Variants in TPT1 observed in about 807,000 individuals in gnomAD.
The protein encoded by TPT1 is translationally-controlled tumor protein.
Under a neutral mutation model 22.8 loss-of-function variants are expected in TPT1, and 5 were observed. The ratio of observed to expected loss-of-function variants is 0.22; its 90% CI spans 0.11 to 0.46. The LOEUF is 0.46. Ranked by LOEUF, TPT1 falls within the 20% of genes least tolerant of loss-of-function variation. The pLI, the probability that TPT1 is intolerant of heterozygous loss-of-function variation, is 0.99. For missense variants in TPT1, 130 were observed against 218.7 expected (o/e 0.59, Z 2.56); for synonymous variants, 89 against 73.6 (o/e 1.21, Z -1.07).
At chr13:45,338,308 T>G (rs1031792581) in intron 5 of TPT1, 9 of 272,678 alleles carry the variant, frequency 3.3e-5, no homozygotes, top group Non-Finnish European at 4.8e-5. Context: ...TTAGCAGAGA[T>G]AGGGTTTCGC....
Position 45,333,792 on chromosome 13 carries a change from T to C in TPT1, c.*3594A>G, listed in dbSNP as rs182056185. The C allele has an allele frequency of 6.6e-6, 1 of 152,300 alleles. No individual in the cohort carries two copies. The highest frequency in any genetic ancestry group is 2.4e-5 in the African/African-American group (1 of 41,568). The allele number at this position is 152,300 out of a possible 1,614,324, so 9.4% of individuals were successfully genotyped here. On this transcript the variant is annotated 3_prime_UTR_variant, in exon 6 of 6. Coordinates refer to ENST00000530705, the MANE Select transcript of TPT1 (RefSeq NM_003295.4). ...TCCCACTAGTGAAATCCAACGGTAG[T>C]CAAGTTTACCACTATCAGGCCTCAT...
In TPT1 at chr13:45,341,126, G is replaced by A. The variant is rs1487952949; in HGVS notation, c.-57C>T. On this transcript the variant is annotated 5_prime_UTR_variant, in exon 1 of 6. Transcript: ENST00000530705. ...TAGCTTAGCACGAGCCTGAAACTCG[G>A]AGCGAGCGCGGTGCAGCCGGAGCGG... The A allele has an allele frequency of 6.2e-7, 1 of 1,603,170 alleles. No individual in the cohort carries two copies.
chr13:45,337,570 GAAC>G (rs756324114), intron 5 of TPT1, 182 bp from the exon 6 acceptor site: 231 of 1,608,508 alleles, frequency 1.4e-4, no homozygotes, highest in Middle Eastern at 3.3e-4. Flanking sequence ...CAAACCAAAA[GAAC>G]AACAGTAAAT....
At chr13:45,337,702 T>C in intron 5 of TPT1, 1 of 758,240 alleles carries the variant, frequency 1.3e-6, no homozygotes, top group Non-Finnish European at 2.3e-6. Flanking sequence ...CCTCAGATAC[T>C]GTCTGAATAA....
At chr13:45,339,742 G>C (rs897533821) in intron 3 of TPT1, 140 bp from the exon 4 acceptor site, 1 of 789,412 alleles carries the variant, frequency 1.3e-6, no homozygotes, top group Non-Finnish European at 2.0e-6. Context: ...TTCACAGAAG[G>C]TATCTTTCAA....
At chr13:45,337,433 G>A (rs1878773917) in intron 5 of TPT1, 45 bp from the exon 6 acceptor site, 3 of 1,614,062 alleles carry the variant, frequency 1.9e-6, no homozygotes, top group East Asian at 2.2e-5. Flanking sequence ...ACATTACACT[G>A]CAAAAGTTAC....
At chr13:45,340,654 G>C (rs564057344) in intron 2 of TPT1, 58 bp downstream of exon 2, 137 of 1,534,620 alleles carry the variant, frequency 8.9e-5, no homozygotes, top group Non-Finnish European at 1.2e-4. Flanking sequence ...CGGGGGAGCG[G>C]AGGAAACCCG....
At position 45,340,646 on chromosome 13, in the gene TPT1, G is replaced by T. The variant is rs530427916; in HGVS notation, c.102+66C>A. 2.0e-6 allele frequency: 3 copies of T among 1,517,360 alleles called. No homozygotes were observed. The South Asian group carries it at 3.6e-5, about 18-fold the overall frequency. 94.0% of individuals were successfully genotyped at this position (1,517,360 alleles called of 1,614,324 possible). On this transcript the variant is annotated intron_variant, in intron 2 of 5. Coordinates refer to ENST00000530705, the MANE Select transcript of TPT1 (RefSeq NM_003295.4). ...GGGGAGGATTGCACAACCTCAGGCGGGGGAGCGGAGGAAACCCGAGCCCGC... is the reference window on the plus strand; with the variant it reads ...GGGGAGGATTGCACAACCTCAGGCGTGGGAGCGGAGGAAACCCGAGCCCGC...
Position 45,339,838 on chromosome 13 carries a change from T to C in TPT1, c.293+156A>G, listed in dbSNP as rs766785362. ...GACTGCAGGCTTCAGTATGCTCATATTATAGAAAAGCAACCACTCTTTTCC... is the reference window on the plus strand; with the variant it reads ...GACTGCAGGCTTCAGTATGCTCATACTATAGAAAAGCAACCACTCTTTTCC... On this transcript the variant is annotated intron_variant, in intron 3 of 5. Transcript: ENST00000530705. The C allele has an allele frequency of 1.8e-5, 16 of 866,196 alleles. No individual in the cohort carries two copies. In the East Asian group the frequency reaches 3.2e-4, roughly 17 times the overall value. The allele number at this position is 866,196 out of a possible 1,614,324, so 53.7% of individuals were successfully genotyped here. A position where few individuals can be genotyped will look rare whatever the true frequency, so the allele number is the denominator to read the frequency against.
At chr13:45,339,970 C>T (rs1878972053) in intron 3 of TPT1, 24 bp downstream of exon 3, 1 of 1,611,976 alleles carries the variant, frequency 6.2e-7, no homozygotes, top group Admixed American at 1.7e-5. Flanking sequence ...TAGACATCAG[C>T]TAGGTACTGC....
chr13:45,340,152 G>T lies in TPT1; in HGVS notation c.135C>A (p.Asp45Glu). 6.2e-7 allele frequency: 1 copy of T among 1,613,972 alleles called. No individual in the cohort carries two copies. The highest frequency in any genetic ancestry group is 8.5e-7 in the Non-Finnish European group (1 of 1,179,922). Residue 45 changes from aspartate (D) to glutamate (E), a missense_variant, in exon 3 of 6, where the codon GAC becomes GAA. Asp to Glu is a conservative substitution (Grantham distance 45, BLOSUM62 2). Transcript: ENST00000530705. Reference protein sequence around the residue: ...MVSRTEGNIDDSLIGGNASAE... With the variant: ...MVSRTEGNIDESLIGGNASAE... ...CGGAGGCATTTCCACCAATGAGCGA[G>T]TCATCAATGTTACCTTCTGTCCTAC...
At chr13:45,337,926 G>T (rs1366620619) in intron 5 of TPT1, among the ~76,000 whole-genome samples, 3 of 152,174 alleles carry the variant, frequency 2.0e-5, no homozygotes, top group Non-Finnish European at 2.9e-5. Flanking sequence ...TTGCATACCA[G>T]TTCAGCAGTC....
chr13:45,339,479 G>A lies in TPT1; in HGVS notation c.399+18C>T, dbSNP rs1310640615. On this transcript the variant is annotated intron_variant, in intron 4 of 5. Coordinates refer to ENST00000530705, the MANE Select transcript of TPT1 (RefSeq NM_003295.4). ...TAAAATTGTACAATCCTTTGATCCA[G>A]ATACTTAAGGTATTTACCTGGTAGT... The A allele has an allele frequency of 6.3e-7, 1 of 1,598,166 alleles. No individual in the cohort carries two copies. Among genetic ancestry groups the A allele is most frequent in the Non-Finnish European group, 8.5e-7 (1 of 1,169,722 alleles).
chr13:45,339,415 G>A (rs1018519445), intron 4 of TPT1, 82 bp downstream of exon 4: 1 of 1,262,452 alleles, frequency 7.9e-7, no homozygotes, highest in Non-Finnish European at 1.1e-6. Context: ...TACTAGTATA[G>A]AATTGAAGAT....
intron 3 of TPT1, 77 bp from the exon 4 acceptor site, chr13:45,339,679 G>C (rs1348054670): frequency 1.5e-6 from 2 of 1,377,350 alleles, no homozygotes; most frequent in Non-Finnish European, 2.0e-6. Flanking sequence ...AAATATCCAA[G>C]CTTAAAAAAA....
At chr13:45,339,940 CTT>C (rs1395853209) in intron 3 of TPT1, 52 bp downstream of exon 3, 1 of 1,585,950 alleles carries the variant, frequency 6.3e-7, no homozygotes, top group Non-Finnish European at 8.6e-7. Flanking sequence ...GTTAGCCAAT[CTT>C]TAAATCCTGT....
Position 45,341,096 on chromosome 13 carries a change from G to T in TPT1, c.-27C>A. On this transcript the variant is annotated 5_prime_UTR_variant, in exon 1 of 6. Transcript: ENST00000530705. ...ATGGCGACTGAAGGGAGACGACGAC[G>T]GCGCTAGCTTAGCACGAGCCTGAAA... is the stretch of plus-strand genomic sequence containing the variant. The T allele has an allele frequency of 6.2e-7, 1 of 1,612,250 alleles. No individual in the cohort carries two copies. The highest frequency in any genetic ancestry group is 8.5e-7 in the Non-Finnish European group (1 of 1,179,110).
chr13:45,337,698 A>G, intron 5 of TPT1: 1 of 783,418 alleles, frequency 1.3e-6, no homozygotes, highest in Non-Finnish European at 2.2e-6. Context: ...AAAACCTCAG[A>G]TACTGTCTGA....
intron 4 of TPT1, 42 bp from the exon 5 acceptor site, chr13:45,338,818 A>T (rs376266802): frequency 2.0e-6 from 3 of 1,490,082 alleles, no homozygotes; most frequent in East Asian, 2.3e-5. Flanking sequence ...ACTATTACAT[A>T]CAAATACATG....
Sources: allele counts gnomAD v4.1 joint callset (sites outside exome capture counted in the v4.1 genomes callset), GRCh38; gene constraint gnomAD v4.1.1; transcripts MANE v1.5; gene names NCBI Gene and HGNC (gene_info 2026-07-23, HGNC 2026-07-21).